Variants in RAD51B observed in about 807,000 individuals in gnomAD.
The protein encoded by RAD51B is RAD51 paralog B, also known as DNA repair protein RAD51 homolog 2.
A neutral mutation model predicts 42.2 loss-of-function variants in RAD51B; 38 were observed. That is an observed-to-expected ratio of 0.90 (90% CI 0.70 to 1.18). The LOEUF is 1.18. Among genes scored for constraint, RAD51B ranks in the 50% most tolerant of loss-of-function variants. The probability of loss-of-function intolerance (pLI) is 0.00; values close to 1 mark genes in which losing one functional copy is unlikely to be tolerated. For missense variants in RAD51B, 373 were observed against 400.7 expected (o/e 0.93, Z 0.59); for synonymous variants, 154 against 145.2 (o/e 1.06, Z -0.43).
chr14:67,941,838 C>T (rs1421447571), intron 7 of RAD51B, among the ~76,000 whole-genome samples: 1 of 152,206 alleles, frequency 6.6e-6, no homozygotes, highest in Non-Finnish European at 1.5e-5. Context: ...TTGGCCCCAG[C>T]CTAGTTTTCT....
intron 5 of RAD51B, among the ~76,000 whole-genome samples, chr14:67,883,415 C>G (rs1566940446): frequency 6.6e-6 from 1 of 150,552 alleles, no homozygotes; most frequent in Admixed American, 6.6e-5. Context: ...TATTCTCCCT[C>G]TTACTCTCTG....
At chr14:68,110,362 T>C (rs1201736925) in intron 7 of RAD51B, among the ~76,000 whole-genome samples, 1 of 152,052 alleles carries the variant, frequency 6.6e-6, no homozygotes, top group Non-Finnish European at 1.5e-5. Flanking sequence ...CAATCCCCTC[T>C]TCTTACCATT....
rs79423384 is a variant in RAD51B, at chr14:68,019,793, C to T, written c.756+132589C>T. On this transcript the variant is annotated intron_variant, in intron 7 of 10. Transcript: ENST00000471583. ...TATCTTATTTCTTGTTCGTTCTTAC[C>T]GTATTGCCACATTGTCCAATATGGC... 6.9e-3 allele frequency among the ~76,000 whole-genome samples: 1,053 copies of T among 152,184 alleles called. 28 individuals carry two copies. The highest frequency in any genetic ancestry group is 3.8e-3 in the Non-Finnish European group (255 of 67,982).
chr14:68,494,398 C>T (rs1456917317), intron 10 of RAD51B, among the ~76,000 whole-genome samples: 1 of 152,090 alleles, frequency 6.6e-6, no homozygotes, highest in Non-Finnish European at 1.5e-5. Flanking sequence ...TACTTGCAGC[C>T]TCATCCAGAA....
chr14:68,260,278 G>A (rs532851752), intron 7 of RAD51B, among the ~76,000 whole-genome samples: 1 of 43,028 alleles, frequency 2.3e-5, no homozygotes, highest in South Asian at 1.1e-3. Context: ...ACAAAAAGAG[G>A]GCCAGTGTGG....
rs1432114590 is a variant in RAD51B, at chr14:68,610,841, ATATGTGTG to A, written c.1037-163_1037-156del. On this transcript the variant is annotated intron_variant, in intron 10 of 10. Transcript: ENST00000487861. ...CCCTATTATAACCACATCTGAATGTATATGTGTGTGTGTGTGTGTGTGTGTGTGTGTGT... is the reference window on the plus strand; with the variant it reads ...CCCTATTATAACCACATCTGAATGTATGTGTGTGTGTGTGTGTGTGTGTGT... Among the ~76,000 whole-genome samples the A allele has an allele frequency of 1.1e-4, 8 of 71,236 alleles. No homozygotes were observed. The East Asian group carries it at 1.3e-3, about 12-fold the overall frequency. 46.7% of individuals were successfully genotyped at this position (71,236 alleles called of 152,430 possible).
At chr14:68,636,795 C>A (rs1892350054) in intron 10 of RAD51B, among the ~76,000 whole-genome samples, 1 of 152,112 alleles carries the variant, frequency 6.6e-6, no homozygotes. Flanking sequence ...AAGATAAACA[C>A]ATACAAGAGC....
intron 9 of RAD51B, chr14:68,422,187 G>A (rs1324800531): frequency 5.3e-6 from 6 of 1,128,986 alleles, no homozygotes; most frequent in Non-Finnish European, 5.4e-6. Flanking sequence ...AACATGGTGG[G>A]GTTGACCATG....
At chr14:68,286,836 T>C (rs889510979) in intron 7 of RAD51B, among the ~76,000 whole-genome samples, 1 of 152,242 alleles carries the variant, frequency 6.6e-6, no homozygotes, top group Non-Finnish European at 1.5e-5. Context: ...AGGGTCTGCA[T>C]TGGGCACATA....
At chr14:68,427,287 C>T (rs2084875342) in intron 9 of RAD51B, among the ~76,000 whole-genome samples, 1 of 152,178 alleles carries the variant, frequency 6.6e-6, no homozygotes, top group Non-Finnish European at 1.5e-5. Context: ...ATGGCAGGGT[C>T]ACTTGAGACT....
chr14:68,293,183 C>T (rs1443297404), intron 8 of RAD51B, among the ~76,000 whole-genome samples: 1 of 152,188 alleles, frequency 6.6e-6, no homozygotes, highest in Non-Finnish European at 1.5e-5. Flanking sequence ...CCTTGTTCTG[C>T]TCTGTTGCTC....
intron 5 of RAD51B, among the ~76,000 whole-genome samples, chr14:67,879,067 G>A (rs770749289): frequency 1.6e-4 from 25 of 152,192 alleles, no homozygotes; most frequent in Non-Finnish European, 3.4e-4. Context: ...AATAGAACCA[G>A]TAGAACATAT....
chr14:68,616,173 T>C (rs2140112085), downstream of RAD51B, among the ~76,000 whole-genome samples: 1 of 152,350 alleles, frequency 6.6e-6, no homozygotes, highest in Non-Finnish European at 1.5e-5. Flanking sequence ...AAAGAAATTT[T>C]TAATGAAAAA....
chr14:68,202,235 A>G (rs1390220217), intron 7 of RAD51B, among the ~76,000 whole-genome samples: 2 of 152,160 alleles, frequency 1.3e-5, no homozygotes, highest in African/African-American at 4.8e-5. Flanking sequence ...CCTGGATGTT[A>G]GTGGCTGCTC....
At chr14:67,966,826 T>A (rs777800962) in intron 7 of RAD51B, among the ~76,000 whole-genome samples, 11 of 152,234 alleles carry the variant, frequency 7.2e-5, no homozygotes, top group Admixed American at 1.3e-4. Flanking sequence ...TATGTAGAGA[T>A]AATTTATCAC....
intron 7 of RAD51B, among the ~76,000 whole-genome samples, chr14:68,176,530 G>T (rs1349864053): frequency 6.6e-6 from 1 of 152,134 alleles, no homozygotes; most frequent in Admixed American, 6.5e-5. Context: ...ATCATTAGAT[G>T]ATTTCTCTAT....
At chr14:68,316,477 T>C (rs2082064281) in intron 8 of RAD51B, among the ~76,000 whole-genome samples, 1 of 152,218 alleles carries the variant, frequency 6.6e-6, no homozygotes, top group East Asian at 1.9e-4. Flanking sequence ...GGTCTTACTT[T>C]AGCCAACATG....
At chr14:68,668,137 T>C (rs966723672) in intron 11 of RAD51B, among the ~76,000 whole-genome samples, 6 of 152,116 alleles carry the variant, frequency 3.9e-5, no homozygotes, top group Middle Eastern at 3.2e-3. Context: ...TCATTTTTCT[T>C]CTCCCCAGTT....
intron 8 of RAD51B, among the ~76,000 whole-genome samples, chr14:68,310,424 C>G (rs1488271614): frequency 6.6e-6 from 1 of 152,140 alleles, no homozygotes; most frequent in Non-Finnish European, 1.5e-5. Context: ...AACCATGAAG[C>G]CTGTAAACCA....
Sources: allele counts gnomAD v4.1 joint callset (sites outside exome capture counted in the v4.1 genomes callset), GRCh38; gene constraint gnomAD v4.1.1; transcripts MANE v1.5; gene names NCBI Gene and HGNC (gene_info 2026-07-23, HGNC 2026-07-21).